Variants in APOD observed in about 807,000 individuals in gnomAD.
APOD encodes apo-D.
A neutral mutation model predicts 20.4 loss-of-function variants in APOD; 22 were observed. That is an observed-to-expected ratio of 1.08 (90% CI 0.77 to 1.54). APOD has a LOEUF of 1.54. APOD is among the 40% of genes most tolerant of loss of function. APOD has a pLI of 0.00. For synonymous variants in APOD, 97 were observed against 92.4 expected (o/e 1.05, Z -0.29); for missense variants, 223 against 229.6 (o/e 0.97, Z 0.19).
At chr3:195,569,544 C>T (rs1232268525) in intron 4 of APOD, among the ~76,000 whole-genome samples, 1 of 152,168 alleles carries the variant, frequency 6.6e-6, no homozygotes, top group East Asian at 1.9e-4. Flanking sequence ...CACCTGCACT[C>T]ACCCAGGCTG....
intron 1 of APOD, among the ~76,000 whole-genome samples, chr3:195,581,472 G>A (rs1416853566): frequency 6.6e-6 from 1 of 152,168 alleles, no homozygotes; most frequent in African/African-American, 2.4e-5. Context: ...TCAAAGACTG[G>A]CCACACACTA....
At chr3:195,580,069 G>A (rs559441092) in intron 1 of APOD, among the ~76,000 whole-genome samples, 14 of 152,086 alleles carry the variant, frequency 9.2e-5, no homozygotes, top group Non-Finnish European at 1.9e-4. Context: ...AACAGGGAGC[G>A]GCCTGCTGGG....
At chr3:195,576,163 A>G (rs1720244831) in intron 2 of APOD, among the ~76,000 whole-genome samples, 1 of 152,268 alleles carries the variant, frequency 6.6e-6, no homozygotes, top group Non-Finnish European at 1.5e-5. Flanking sequence ...AACTGGTTTC[A>G]TAGACATTCT....
At chr3:195,579,921 C>T (rs1720307109) in intron 1 of APOD, among the ~76,000 whole-genome samples, 1 of 152,188 alleles carries the variant, frequency 6.6e-6, no homozygotes, top group African/African-American at 2.4e-5. Context: ...CCACGAAAGA[C>T]ACGAAACCAA....
intron 3 of APOD, 55 bp from the exon 4 acceptor site, chr3:195,571,420 C>T: frequency 6.6e-7 from 1 of 1,521,648 alleles, no homozygotes; most frequent in Non-Finnish European, 9.0e-7. Context: ...AAAAGAAAAA[C>T]AACTCATTGA....
intron 2 of APOD, among the ~76,000 whole-genome samples, chr3:195,574,768 C>T (rs1212287918): frequency 1.3e-5 from 2 of 152,150 alleles, no homozygotes; most frequent in African/African-American, 4.8e-5. Flanking sequence ...CCTATGTGAG[C>T]ATTAGTAGGG....
chr3:195,572,907 C>T (rs935171719), intron 3 of APOD, among the ~76,000 whole-genome samples: 4 of 152,034 alleles, frequency 2.6e-5, no homozygotes, highest in South Asian at 2.1e-4. Flanking sequence ...TTAGTGGTGA[C>T]GGATGTCCTA....
At chr3:195,574,120 A>T in intron 2 of APOD, 149 bp from the exon 3 acceptor site, 2 of 1,104,886 alleles carry the variant, frequency 1.8e-6, no homozygotes, top group Non-Finnish European at 2.5e-6. Flanking sequence ...CAAGAGATTG[A>T]TTGCAATGAG....
chr3:195,573,712 T>C, intron 3 of APOD, 138 bp downstream of exon 3: 6 of 1,170,572 alleles, frequency 5.1e-6, no homozygotes, highest in Non-Finnish European at 7.2e-6. Flanking sequence ...TGCCAAACGC[T>C]TTCCTCTCAA....
At chr3:195,577,912 G>A (rs541522553) in intron 2 of APOD, among the ~76,000 whole-genome samples, 1 of 152,334 alleles carries the variant, frequency 6.6e-6, no homozygotes, top group East Asian at 1.9e-4. Flanking sequence ...TTGGAGGGGA[G>A]ATGGAGACTC....
At chr3:195,574,031 C>T (rs972359688) in intron 2 of APOD, 60 bp from the exon 3 acceptor site, 1 of 1,597,332 alleles carries the variant, frequency 6.3e-7, no homozygotes, top group Admixed American at 1.7e-5. Context: ...CAACTTCTTC[C>T]CCATTGTCGT....
chr3:195,571,403 A>G (rs747927921), intron 3 of APOD, 38 bp from the exon 4 acceptor site: 12 of 1,566,972 alleles, frequency 7.7e-6, no homozygotes, highest in Non-Finnish European at 1.0e-5. Flanking sequence ...ACAAAAAACG[A>G]AAAGAGAAAA....
At chr3:195,571,174 T>G in intron 4 of APOD, 103 bp downstream of exon 4, 1 of 946,904 alleles carries the variant, frequency 1.1e-6, no homozygotes, top group Non-Finnish European at 1.7e-6. Flanking sequence ...TGAGTGATTA[T>G]AGATGACACT....
chr3:195,571,138 T>C (rs1169949375), intron 4 of APOD, 139 bp downstream of exon 4: 1 of 789,580 alleles, frequency 1.3e-6, no homozygotes, highest in East Asian at 2.5e-5. Flanking sequence ...TGACATGTAG[T>C]AAGTGTTTGA....
intron 2 of APOD, among the ~76,000 whole-genome samples, chr3:195,575,849 A>G (rs1282911933): frequency 6.6e-6 from 1 of 152,104 alleles, no homozygotes; most frequent in Non-Finnish European, 1.5e-5. Context: ...GATGGTCTCA[A>G]TCTCCTGACC....
intron 2 of APOD, among the ~76,000 whole-genome samples, chr3:195,576,776 C>A (rs1362252708): frequency 6.6e-6 from 1 of 152,070 alleles, no homozygotes; most frequent in Non-Finnish European, 1.5e-5. Context: ...TGCCACTACA[C>A]TCCAGCCTGG....
intron 3 of APOD, 151 bp downstream of exon 3, chr3:195,573,699 G>T: frequency 2.0e-6 from 2 of 1,010,098 alleles, no homozygotes; most frequent in Non-Finnish European, 2.9e-6. Flanking sequence ...TGCCATCCTT[G>T]CCTGCCAAAC....
chr3:195,583,478 C>T (rs1188498096), intron 1 of APOD, among the ~76,000 whole-genome samples: 1 of 152,220 alleles, frequency 6.6e-6, no homozygotes, highest in Non-Finnish European at 1.5e-5. Flanking sequence ...ATTTTCTAGT[C>T]ACACCATTAA....
chr3:195,571,478 G>A, intron 3 of APOD, 113 bp from the exon 4 acceptor site: 1 of 897,242 alleles, frequency 1.1e-6, no homozygotes. Context: ...AAGGACCGTG[G>A]CAGCCAACAC....
Sources: allele counts gnomAD v4.1 joint callset (sites outside exome capture counted in the v4.1 genomes callset), GRCh38; gene constraint gnomAD v4.1.1; transcripts MANE v1.5; gene names NCBI Gene and HGNC (gene_info 2026-07-23, HGNC 2026-07-21).